Variants in PLOD2 observed in about 807,000 individuals in gnomAD.
The protein encoded by PLOD2 is procollagen-lysine,2-oxoglutarate 5-dioxygenase 2, also known as lysine hydroxylase 2.
A neutral mutation model predicts 101.0 loss-of-function variants in PLOD2; 65 were observed. The ratio of observed to expected loss-of-function variants is 0.64; its 90% CI spans 0.53 to 0.79. The LOEUF (loss-of-function observed/expected upper bound fraction) is 0.79, where lower values mean the gene tolerates loss of function less well. Among genes scored for constraint, PLOD2 ranks in the 30% least tolerant of loss-of-function variants. The probability of loss-of-function intolerance (pLI) is 0.00; values close to 1 mark genes in which losing one functional copy is unlikely to be tolerated. For synonymous variants in PLOD2, 314 were observed against 302.9 expected, an observed-to-expected ratio of 1.04 and a Z score of -0.38; for missense variants, 909 against 914.6, an observed-to-expected ratio of 0.99 and a Z score of 0.08.
chr3:146,088,541 C>A, intron 9 of PLOD2, 45 bp downstream of exon 9: 4 of 1,352,314 alleles, frequency 3.0e-6, no homozygotes, highest in Non-Finnish European at 2.1e-6. Context: ...CCAAAAAAGA[C>A]CAAAAATAGT....
In PLOD2 at chr3:146,106,614, C is replaced by T. The variant is rs143513488; in HGVS notation, c.533G>A (p.Arg178His). ...GFIGYAPYVNRIVQQWNLQDN... is the reference protein window; with the variant it reads ...GFIGYAPYVNHIVQQWNLQDN... ...CTGGAGATTCCATTGTTGAACTATA[C>T]GGTTGACATATGGAGCATAGCCAAT... Residue 178 changes from arginine to histidine, a missense_variant, in exon 5 of 20, where the codon CGT becomes CAT. Coordinates refer to ENST00000282903, the MANE Select transcript of PLOD2 (RefSeq NM_182943.3). The T allele has an allele frequency of 4.3e-4, 675 of 1,583,450 alleles. 1 individual carries two copies. The highest frequency in any genetic ancestry group is 3.0e-3 in the Middle Eastern group (18 of 6,006).
intron 1 of PLOD2, among the ~76,000 whole-genome samples, chr3:146,156,053 TG>T (rs2032291897): frequency 6.6e-6 from 1 of 152,332 alleles, no homozygotes; most frequent in South Asian, 2.1e-4. Flanking sequence ...AATTCATTTT[TG>T]ATCATGAGAA....
intron 1 of PLOD2, among the ~76,000 whole-genome samples, chr3:146,140,069 T>C (rs1450655380): frequency 1.3e-5 from 2 of 152,048 alleles, no homozygotes; most frequent in Non-Finnish European, 2.9e-5. Flanking sequence ...ATAGCTCTCT[T>C]TTGAACGCAA....
At chr3:146,083,512 T>C (rs9813047) in intron 11 of PLOD2, among the ~76,000 whole-genome samples, 78,262 of 151,346 alleles carry the variant, frequency 0.52, 20,385 homozygotes, top group Middle Eastern at 0.57. Context: ...CAGAATTCCA[T>C]GGAGACACAG....
intron 19 of PLOD2, 82 bp from the exon 20 acceptor site, chr3:146,070,954 TA>T (rs1392960423): frequency 6.6e-7 from 1 of 1,515,982 alleles, no homozygotes; most frequent in Non-Finnish European, 9.1e-7. Flanking sequence ...GAGCAAAATT[TA>T]AAAAAGAAAC....
chr3:146,124,091 T>G (rs776908024), intron 2 of PLOD2, 47 bp downstream of exon 2: 11 of 957,314 alleles, frequency 1.1e-5, no homozygotes, highest in African/African-American at 9.6e-5. Context: ...AAAACATACT[T>G]TAGGCACACA....
At chr3:146,109,865 T>C (rs1218957793) in intron 4 of PLOD2, among the ~76,000 whole-genome samples, 1 of 152,192 alleles carries the variant, frequency 6.6e-6, no homozygotes, top group Non-Finnish European at 1.5e-5. Flanking sequence ...TAAAATCAGA[T>C]AATATTAAGT....
chr3:146,152,425 A>T (rs924082885), intron 1 of PLOD2, among the ~76,000 whole-genome samples: 2 of 152,186 alleles, frequency 1.3e-5, no homozygotes, highest in Non-Finnish European at 2.9e-5. Context: ...GTCTCAAAAA[A>T]AAAAAATTCT....
Position 146,070,778 on chromosome 3 carries a change from T to A in PLOD2, c.2216A>T (p.His739Leu). The A allele has an allele frequency of 6.2e-7, 1 of 1,609,626 alleles. No individual in the cohort carries two copies. Among genetic ancestry groups the A allele is most frequent in the Non-Finnish European group, 8.5e-7 (1 of 1,176,638 alleles). The change falls in exon 20 of 20, where the codon CAT (histidine) becomes CTT (leucine). Residue 739 changes from histidine to leucine, a missense_variant. His to Leu is a moderately conservative substitution (Grantham distance 99). Transcript: ENST00000282903. Reference sequence around the variant, plus strand: ...TCCATTTTTAACAGGAAGTCCTTCATGCAAATGTGTGAGTCTCCCAGGATG... The same window carrying A: ...TCCATTTTTAACAGGAAGTCCTTCAAGCAAATGTGTGAGTCTCCCAGGATG... ...FMHPGRLTHL[H>L]EGLPVKNGTR...
chr3:146,095,451 G>GA (rs201408410), intron 7 of PLOD2, among the ~76,000 whole-genome samples: 3,549 of 151,038 alleles, frequency 0.023, 134 homozygotes, highest in African/African-American at 0.081. Context: ...CAACAAACAT[G>GA]AAAAAAAAGC....
At chr3:146,081,112 A>G (rs1936525801) in intron 12 of PLOD2, among the ~76,000 whole-genome samples, 1 of 152,172 alleles carries the variant, frequency 6.6e-6, no homozygotes, top group Non-Finnish European at 1.5e-5. Flanking sequence ...ATTCTTCTCC[A>G]ATATTACCTT....
At chr3:146,142,363 T>C (rs2031564037) in intron 1 of PLOD2, among the ~76,000 whole-genome samples, 1 of 152,080 alleles carries the variant, frequency 6.6e-6, no homozygotes, top group South Asian at 2.1e-4. Flanking sequence ...AAATTCACCA[T>C]CCAGCTGTAT....
chr3:146,152,683 T>C (rs1388601008), intron 1 of PLOD2, among the ~76,000 whole-genome samples: 1 of 152,112 alleles, frequency 6.6e-6, no homozygotes, highest in Non-Finnish European at 1.5e-5. Flanking sequence ...ACCCTCAAAA[T>C]GTGCTGGGTG....
At chr3:146,146,508 C>G (rs938677205) in intron 1 of PLOD2, among the ~76,000 whole-genome samples, 1 of 151,864 alleles carries the variant, frequency 6.6e-6, no homozygotes, top group Admixed American at 6.6e-5. Flanking sequence ...GGGAGGAGGG[C>G]GGGTGGACGG....
chr3:146,092,506 T>A (rs533313664), intron 7 of PLOD2, among the ~76,000 whole-genome samples: 1 of 152,130 alleles, frequency 6.6e-6, no homozygotes, highest in Admixed American at 6.5e-5. Context: ...TCAAAACAGA[T>A]CTAGGGCAAC....
chr3:146,136,053 A>T (rs754729006), intron 1 of PLOD2, among the ~76,000 whole-genome samples: 1 of 152,084 alleles, frequency 6.6e-6, no homozygotes, highest in Non-Finnish European at 1.5e-5. Context: ...TTTTGATTGT[A>T]TGATTTTTTT....
At chr3:146,094,411 T>C (rs1229367245) in intron 7 of PLOD2, among the ~76,000 whole-genome samples, 1 of 152,122 alleles carries the variant, frequency 6.6e-6, no homozygotes, top group Non-Finnish European at 1.5e-5. Context: ...GTAATCAGTG[T>C]GCAAAAATTG....
intron 4 of PLOD2, among the ~76,000 whole-genome samples, chr3:146,107,176 T>G (rs1436344880): frequency 6.6e-6 from 1 of 152,230 alleles, no homozygotes; most frequent in African/African-American, 2.4e-5. Context: ...TAAGACATTT[T>G]GGAAATGTTT....
intron 7 of PLOD2, among the ~76,000 whole-genome samples, chr3:146,092,126 A>T (rs1936996272): frequency 6.6e-6 from 1 of 152,002 alleles, no homozygotes; most frequent in African/African-American, 2.4e-5. Context: ...AGTCTTATAA[A>T]TCATAAAGGT....
Sources: allele counts gnomAD v4.1 joint callset (sites outside exome capture counted in the v4.1 genomes callset), GRCh38; gene constraint gnomAD v4.1.1; transcripts MANE v1.5; gene names NCBI Gene and HGNC (gene_info 2026-07-23, HGNC 2026-07-21).